KCNAB1: variants seen among roughly 807,000 people sequenced by gnomAD.
The protein encoded by KCNAB1 is potassium voltage-gated channel subfamily A regulatory beta subunit 1.
KCNAB1 carries 35 observed loss-of-function variants against 64.6 expected under a neutral mutation model. The ratio of observed to expected loss-of-function variants is 0.54; its 90% CI spans 0.41 to 0.72. The LOEUF is 0.72. Among genes scored for constraint, KCNAB1 ranks in the 30% least tolerant of loss-of-function variants. The pLI, the probability that KCNAB1 is intolerant of heterozygous loss-of-function variation, is 0.00. For missense variants in KCNAB1, 401 were observed against 512.9 expected, an observed-to-expected ratio of 0.78 and a Z score of 2.11; for synonymous variants, 177 against 183.8, an observed-to-expected ratio of 0.96 and a Z score of 0.30.
At chr3:156,167,894 A>G (rs1711702841) in intron 1 of KCNAB1, among the ~76,000 whole-genome samples, 1 of 152,120 alleles carries the variant, frequency 6.6e-6, no homozygotes, top group Non-Finnish European at 1.5e-5. Flanking sequence ...AATGCTCTCT[A>G]TACTTTCTTA....
At chr3:156,289,266 A>G (rs1042466632) in intron 1 of KCNAB1, among the ~76,000 whole-genome samples, 8 of 152,114 alleles carry the variant, frequency 5.3e-5, no homozygotes, top group Middle Eastern at 6.3e-3. Flanking sequence ...ACATCTCCTC[A>G]AGCTCAGCCA....
intron 1 of KCNAB1, among the ~76,000 whole-genome samples, chr3:156,130,992 C>G (rs1301680060): frequency 6.6e-6 from 1 of 152,246 alleles, no homozygotes; most frequent in East Asian, 1.9e-4. Flanking sequence ...ACCCAAGTGA[C>G]ATCCCTTATT....
chr3:156,292,005 T>G lies in KCNAB1; in HGVS notation c.276-129611T>G, dbSNP rs763909519. Reference sequence around the variant, plus strand: ...CAGAGCTCCACCGCCCCCAATGTGGTGAACGCAGCCCGGGCCAAATTCCGC... The same window carrying G: ...CAGAGCTCCACCGCCCCCAATGTGGGGAACGCAGCCCGGGCCAAATTCCGC... On this transcript the variant is annotated intron_variant, in intron 1 of 13. Transcript: ENST00000490337. 3 of 1,613,956 alleles carry G rather than the reference T, an allele frequency of 1.9e-6. No homozygotes were observed. The African/African-American group carries it at 4.0e-5, about 22-fold the overall frequency.
chr3:156,268,622 A>G (rs916428642), intron 1 of KCNAB1, among the ~76,000 whole-genome samples: 3 of 152,138 alleles, frequency 2.0e-5, no homozygotes, highest in Admixed American at 6.6e-5. Flanking sequence ...CTGATGATCA[A>G]TGATGTAGAG....
intron 4 of KCNAB1, among the ~76,000 whole-genome samples, chr3:156,458,582 A>G (rs547328123): frequency 1.3e-5 from 2 of 152,274 alleles, no homozygotes; most frequent in Admixed American, 1.3e-4. Flanking sequence ...GAAGAGGTCT[A>G]TGTTTAAGGA....
chr3:156,539,052 G>GA (rs1467145876), downstream of KCNAB1: 32 of 152,136 alleles, frequency 2.1e-4, no homozygotes, highest in South Asian at 4.1e-4. Flanking sequence ...ATGTCCTTAA[G>GA]AAAAAATTCC....
chr3:156,233,752 A>G (rs1716678107), intron 1 of KCNAB1, among the ~76,000 whole-genome samples: 1 of 152,032 alleles, frequency 6.6e-6, no homozygotes, highest in African/African-American at 2.4e-5. Flanking sequence ...ATCTCTCTTC[A>G]GTAAAGAGCT....
At chr3:156,264,433 A>C (rs2108483409) in intron 1 of KCNAB1, among the ~76,000 whole-genome samples, 1 of 151,944 alleles carries the variant, frequency 6.6e-6, no homozygotes, top group African/African-American at 2.4e-5. Context: ...TTATTTTATA[A>C]ATGTCTTCTT....
chr3:156,181,632 C>T (rs889328856), intron 1 of KCNAB1, among the ~76,000 whole-genome samples: 2 of 152,172 alleles, frequency 1.3e-5, no homozygotes, highest in African/African-American at 2.4e-5. Context: ...GTGGTAGGTA[C>T]ATGAACACAG....
intron 1 of KCNAB1, among the ~76,000 whole-genome samples, chr3:156,263,075 T>C (rs975355651): frequency 3.9e-5 from 6 of 151,972 alleles, no homozygotes; most frequent in Non-Finnish European, 8.8e-5. Flanking sequence ...TGGTAATTCA[T>C]AAAACCAACT....
At chr3:156,247,078 C>T (rs914528219) in intron 1 of KCNAB1, among the ~76,000 whole-genome samples, 5 of 152,102 alleles carry the variant, frequency 3.3e-5, no homozygotes, top group African/African-American at 4.8e-5. Flanking sequence ...GAAAAAAAAA[C>T]TAGTGATGTT....
chr3:156,229,511 A>G (rs1716391100), intron 1 of KCNAB1, among the ~76,000 whole-genome samples: 1 of 152,238 alleles, frequency 6.6e-6, no homozygotes, highest in Non-Finnish European at 1.5e-5. Context: ...GGTTACAGAT[A>G]AAAGATGGAA....
intron 1 of KCNAB1, among the ~76,000 whole-genome samples, chr3:156,212,430 CAA>C (rs1371044724): frequency 3.3e-5 from 5 of 152,158 alleles, no homozygotes; most frequent in Non-Finnish European, 7.4e-5. Flanking sequence ...ATTCCACAAT[CAA>C]GAGCTAATTA....
chr3:156,365,358 T>G (rs1252267725), intron 1 of KCNAB1, among the ~76,000 whole-genome samples: 1 of 152,192 alleles, frequency 6.6e-6, no homozygotes, highest in African/African-American at 2.4e-5. Context: ...TAGTGTTAAT[T>G]TCTATTTTCT....
chr3:156,225,404 A>ATC (rs2108424237), intron 1 of KCNAB1, among the ~76,000 whole-genome samples: 1 of 152,344 alleles, frequency 6.6e-6, no homozygotes, highest in East Asian at 1.9e-4. Context: ...CAAAATCGGC[A>ATC]TAGAAGGGAC....
At chr3:156,253,124 A>G (rs1440510001) in intron 1 of KCNAB1, among the ~76,000 whole-genome samples, 1 of 152,248 alleles carries the variant, frequency 6.6e-6, no homozygotes, top group Non-Finnish European at 1.5e-5. Context: ...CGTGGGTGTC[A>G]TGGCATATAC....
rs1488206869 is a variant in KCNAB1, at chr3:156,366,038, T to C, written c.276-55578T>C. On this transcript the variant is annotated intron_variant, in intron 1 of 13. Transcript: ENST00000490337. ...TACACTTGGCCCTTACACATAAAAA[T>C]TAATGAAAGAAAGTAGAAGTTTTGG... Among the ~76,000 whole-genome samples the C allele has an allele frequency of 8.5e-5, 13 of 152,074 alleles. No individual in the cohort carries two copies. The East Asian group carries it at 2.5e-3, about 29-fold the overall frequency.
At chr3:156,342,593 T>TC (rs1189309155) in intron 1 of KCNAB1, among the ~76,000 whole-genome samples, 5 of 134,200 alleles carry the variant, frequency 3.7e-5, no homozygotes, top group Non-Finnish European at 1.5e-5. Context: ...TTCTTTTTTT[T>TC]TTTTTTTTTT....
intron 1 of KCNAB1, among the ~76,000 whole-genome samples, chr3:156,374,995 A>G (rs1485006153): frequency 7.4e-6 from 1 of 136,036 alleles, no homozygotes; most frequent in East Asian, 1.9e-4. Context: ...TATATTCACT[A>G]TGTAAGTCTC....
Sources: allele counts gnomAD v4.1 joint callset (sites outside exome capture counted in the v4.1 genomes callset), GRCh38; gene constraint gnomAD v4.1.1; transcripts MANE v1.5; gene names NCBI Gene and HGNC (gene_info 2026-07-23, HGNC 2026-07-21).